TBCD: variants seen among roughly 807,000 people sequenced by gnomAD.
The protein encoded by TBCD is tubulin folding cofactor D.
TBCD carries 105 observed loss-of-function variants against 169.3 expected under a neutral mutation model. The observed-to-expected ratio is 0.62, with a 90% CI of 0.53 to 0.73. The LOEUF (loss-of-function observed/expected upper bound fraction) is 0.73, where lower values mean the gene tolerates loss of function less well. Among genes scored for constraint, TBCD ranks in the 30% least tolerant of loss-of-function variants. The pLI is 0.00. For missense variants in TBCD, 1,444 were observed against 1,600.1 expected (o/e 0.90, Z 1.66); for synonymous variants, 700 against 643.9 (o/e 1.09, Z -1.32).
At chr17:82,858,775 C>T in intron 13 of TBCD, 1 of 507,686 alleles carries the variant, frequency 2.0e-6, no homozygotes, top group Non-Finnish European at 2.5e-6. Flanking sequence ...ACGGGCCCTG[C>T]TCAGCCGGTC....
rs907131674 is a variant in TBCD, at chr17:82,923,384, G to A, written c.2179-268G>A. 2.0e-5 allele frequency among the ~76,000 whole-genome samples: 3 copies of A among 152,210 alleles called. No homozygotes were observed. Among genetic ancestry groups the A allele is most frequent in the African/African-American group, 4.8e-5 (2 of 41,464 alleles). ...TTGGTTTGGTTCGAAAGTCATTGCT[G>A]TGCCGAGATCTCAGGGTGACCCGCT... On this transcript the variant is annotated intron_variant, in intron 25 of 38. Coordinates refer to ENST00000355528, the MANE Select transcript of TBCD (RefSeq NM_005993.5). The surrounding 1 kb of genome is among the most constrained non-coding windows in gnomAD (Gnocchi z 4.6).
rs778429856 is a variant in TBCD, at chr17:82,800,822, G to T, written c.818-42G>T. ...GACACAGGTGGTGCAGTCAGAAGAT[G>T]CCTGCAGCCCTTCCTGCGCTGAGTC... On this transcript the variant is annotated intron_variant, in intron 8 of 38. Transcript: ENST00000355528. 3 of 1,581,514 alleles carry T rather than the reference G, an allele frequency of 1.9e-6. No homozygotes were observed. The Admixed American group carries it at 5.3e-5, about 28-fold the overall frequency.
In TBCD at chr17:82,752,173, C is replaced by T. The variant is rs890650819; in HGVS notation, c.-21C>T. ...GATCTGCGAACACGTGAGGCGGGGG[C>T]GCGGTCCCCAGGCTGCCGAGATGGC... On this transcript the variant is annotated 5_prime_UTR_variant, in exon 1 of 39. Coordinates refer to ENST00000355528, the MANE Select transcript of TBCD (RefSeq NM_005993.5). The T allele has an allele frequency of 5.5e-5, 82 of 1,501,496 alleles. 3 individuals carry two copies. The East Asian group carries it at 2.1e-3, about 38-fold the overall frequency. The allele number at this position is 1,501,496 out of a possible 1,614,324, so 93.0% of individuals were successfully genotyped here.
Position 82,832,053 on chromosome 17 carries a change from C to T in TBCD, c.1318+17119C>T. ...GAGCTGGGCTCTTGCAGGGTGATGC[C>T]CTGTGGAGGGCTGGCTTCTGTCCCA... On this transcript the variant is annotated intron_variant, in intron 13 of 38. Transcript: ENST00000355528. This position sits in a 1 kb window ranked among gnomAD's most constrained non-coding sequence, Gnocchi z 4.9. 1 of 1,613,892 alleles carries T rather than the reference C, an allele frequency of 6.2e-7. No homozygotes were observed. Among genetic ancestry groups the T allele is most frequent in the Non-Finnish European group, 8.5e-7 (1 of 1,179,832 alleles).
chr17:82,906,652 C>T (rs752837033), intron 20 of TBCD, among the ~76,000 whole-genome samples: 7 of 152,248 alleles, frequency 4.6e-5, no homozygotes, highest in Non-Finnish European at 8.8e-5. Context: ...ACCATAGTGA[C>T]GGCAACCTGC....
intron 15 of TBCD, among the ~76,000 whole-genome samples, chr17:82,885,338 C>T (rs2058646232): frequency 6.6e-6 from 1 of 152,126 alleles, no homozygotes; most frequent in South Asian, 2.1e-4. Context: ...TCAGATGATA[C>T]CCTGAAGTCT....
chr17:82,941,288 T>TGAG, intron 37 of TBCD, 111 bp from the exon 38 acceptor site: 1 of 856,802 alleles, frequency 1.2e-6, no homozygotes, highest in Non-Finnish European at 1.8e-6. Flanking sequence ...ATGTCGGGGG[T>TGAG]GAGGTCTCCT....
chr17:82,850,173 C>A (rs1410138713), intron 13 of TBCD, among the ~76,000 whole-genome samples: 23 of 113,474 alleles, frequency 2.0e-4, no homozygotes, highest in African/African-American at 8.3e-4. Context: ...GTTGCCTGTG[C>A]TGCTGTTGGC....
In TBCD at chr17:82,833,374, G is replaced by A. The variant is rs1001477834; in HGVS notation, c.1318+18440G>A. 6.6e-6 allele frequency among the ~76,000 whole-genome samples: 1 copy of A among 152,146 alleles called. No individual in the cohort carries two copies. The highest frequency in any genetic ancestry group is 2.4e-5 in the African/African-American group (1 of 41,424). ...TGCCCACTTTAGCCACGTCGTTGGT[G>A]TATTCTAGTGTGCTTGTTTAAAAAT... On this transcript the variant is annotated intron_variant, in intron 13 of 38. Transcript: ENST00000355528. The surrounding 1 kb of genome is among the most constrained non-coding windows in gnomAD (Gnocchi z 4.7).
At chr17:82,815,081 C>T in intron 13 of TBCD, 147 bp downstream of exon 13, 1 of 1,345,332 alleles carries the variant, frequency 7.4e-7, no homozygotes, top group Non-Finnish European at 1.0e-6. Context: ...CAGGCTGCAG[C>T]CCTTCGTCTG....
chr17:82,831,845 C>A lies in TBCD; in HGVS notation c.1318+16911C>A. 1 of 1,614,052 alleles carries A rather than the reference C, an allele frequency of 6.2e-7. No individual in the cohort carries two copies. On this transcript the variant is annotated intron_variant, in intron 13 of 38. Coordinates refer to ENST00000355528, the MANE Select transcript of TBCD (RefSeq NM_005993.5). This position sits in a 1 kb window ranked among gnomAD's most constrained non-coding sequence, Gnocchi z 4.6. ...GGTGAGCCGGCTTTCCAGGGGTAGC[C>A]AGGAGTGTGGAAGGCCGACTTGGTG...
intron 7 of TBCD, among the ~76,000 whole-genome samples, chr17:82,793,413 C>T (rs1176681120): frequency 6.6e-6 from 1 of 152,220 alleles, no homozygotes; most frequent in Non-Finnish European, 1.5e-5. Context: ...TAGTGGGGCT[C>T]TTTAAGATGT....
At chr17:82,929,338 C>T in intron 31 of TBCD, 24 bp from the exon 32 acceptor site, 1 of 1,610,580 alleles carries the variant, frequency 6.2e-7, no homozygotes, top group Non-Finnish European at 8.5e-7. Context: ...GCAGCCCGGC[C>T]TTGTCTCACT....
In TBCD at chr17:82,907,658, T is replaced by C. The variant is rs896568333; in HGVS notation, c.1923-103T>C. ...TGAGCCTATGCTCCTCCGAGTGTACTTGGGGTTAGGGTCTTGGGGAGTGTG... is the reference window on the plus strand; with the variant it reads ...TGAGCCTATGCTCCTCCGAGTGTACCTGGGGTTAGGGTCTTGGGGAGTGTG... On this transcript the variant is annotated intron_variant, in intron 20 of 38. Coordinates refer to ENST00000355528, the MANE Select transcript of TBCD (RefSeq NM_005993.5). 19 of 1,295,180 alleles carry C rather than the reference T, an allele frequency of 1.5e-5. No homozygotes were observed. The African/African-American group carries it at 1.6e-4, about 11-fold the overall frequency. The allele number at this position is 1,295,180 out of a possible 1,614,324, so 80.2% of individuals were successfully genotyped here.
intron 32 of TBCD, 58 bp downstream of exon 32, chr17:82,929,558 C>T: frequency 1.3e-6 from 2 of 1,594,626 alleles, no homozygotes; most frequent in East Asian, 2.2e-5. Flanking sequence ...CCTGGTGCTT[C>T]CCTGTCTCTT....
intron 13 of TBCD, among the ~76,000 whole-genome samples, chr17:82,818,793 A>T (rs2052152662): frequency 1.3e-5 from 2 of 152,058 alleles, no homozygotes; most frequent in South Asian, 4.1e-4. Flanking sequence ...CAGGCTGGGC[A>T]CGGCGGCTCA....
intron 2 of TBCD, among the ~76,000 whole-genome samples, chr17:82,762,622 G>C (rs2047824545): frequency 6.6e-6 from 1 of 151,926 alleles, no homozygotes; most frequent in Non-Finnish European, 1.5e-5. Context: ...GGTGGCAGGT[G>C]CCTGTAGTCC....
chr17:82,932,618 T>C, intron 33 of TBCD, 40 bp from the exon 34 acceptor site: 1 of 1,582,462 alleles, frequency 6.3e-7, no homozygotes, highest in Non-Finnish European at 8.6e-7. Context: ...GGCGTCCTTG[T>C]TGCTGGTGTC....
Position 82,806,037 on chromosome 17 carries a change from C to T in TBCD, c.1087+26C>T, listed in dbSNP as rs765108161. The T allele has an allele frequency of 2.5e-6, 4 of 1,603,940 alleles. No homozygotes were observed. The South Asian group carries it at 3.3e-5, about 13-fold the overall frequency. On this transcript the variant is annotated intron_variant, in intron 10 of 38. Transcript: ENST00000355528. The surrounding 1 kb of genome is among the most constrained non-coding windows in gnomAD (Gnocchi z 5.1). ...GTGCGTGGGGTCTAAGCGGCGGCCT[C>T]TGCTCTTGGGCACCGTCGGGCCAAT...
Sources: gnomAD v4.1 joint callset for allele counts (sites outside exome capture counted in the v4.1 genomes callset) on GRCh38, gnomAD v4.1.1 for gene constraint, Gnocchi (gnomAD v3.1) non-coding constraint, MANE v1.5 for transcripts, NCBI Gene and HGNC (gene_info 2026-07-23, HGNC 2026-07-21) for gene names.